Variants in SPATA13 observed in about 807,000 individuals in gnomAD.
The protein encoded by SPATA13 is spermatogenesis associated 13.
In SPATA13, 50 loss-of-function variants were observed where a neutral mutation model predicts 104.0. The ratio of observed to expected loss-of-function variants is 0.48; its 90% CI spans 0.38 to 0.61. SPATA13 has a LOEUF of 0.61. SPATA13 is among the 20% of genes least tolerant of loss of function. The pLI is 0.00. For missense variants in SPATA13, 1,524 were observed against 1,690.6 expected (o/e 0.90, Z 1.73); for synonymous variants, 606 against 667.5 (o/e 0.91, Z 1.42).
chr13:24,234,621 A>AT, intron 2 of SPATA13, among the ~76,000 whole-genome samples: 1 of 152,304 alleles, frequency 6.6e-6, no homozygotes, highest in South Asian at 2.1e-4. Context: ...TATAAATAAC[A>AT]TTACCTGTTT....
rs560785927 is a variant in SPATA13, at chr13:24,296,608, C to T, written c.3211-755C>T. Reference sequence around the variant, plus strand: ...GCAAATAATGTCAGGTCCATAATCACGATACTGTGTCCCCTGCATGAATGC... The same window carrying T: ...GCAAATAATGTCAGGTCCATAATCATGATACTGTGTCCCCTGCATGAATGC... On this transcript the variant is annotated intron_variant, in intron 10 of 12. Coordinates refer to ENST00000382108, the MANE Select transcript of SPATA13 (RefSeq NM_001166271.3). 8.9e-4 allele frequency among the ~76,000 whole-genome samples: 135 copies of T among 152,294 alleles called. 3 individuals are homozygous for T. Among genetic ancestry groups the T allele is most frequent in the Admixed American group, 6.8e-3 (104 of 15,294 alleles).
intron 2 of SPATA13, among the ~76,000 whole-genome samples, chr13:24,230,162 T>C (rs1264910147): frequency 6.6e-6 from 1 of 152,168 alleles, no homozygotes; most frequent in Non-Finnish European, 1.5e-5. Context: ...ATAATCCAAG[T>C]TAAGATGGAA....
chr13:24,225,892 C>T (rs965788704), intron 2 of SPATA13, among the ~76,000 whole-genome samples: 2 of 152,152 alleles, frequency 1.3e-5, no homozygotes, highest in African/African-American at 2.4e-5. Flanking sequence ...TCCTTTCGCT[C>T]CCACCATTGG....
intron 7 of SPATA13, among the ~76,000 whole-genome samples, chr13:24,287,305 G>C (rs1246072807): frequency 6.6e-6 from 1 of 152,158 alleles, no homozygotes; most frequent in Non-Finnish European, 1.5e-5. Flanking sequence ...AGGGCTACAG[G>C]CATGCATCAC....
At chr13:24,171,212 C>T (rs904234080) in intron 1 of SPATA13, among the ~76,000 whole-genome samples, 3 of 152,134 alleles carry the variant, frequency 2.0e-5, no homozygotes, top group African/African-American at 7.2e-5. Flanking sequence ...AAATGGCTGT[C>T]GTGCCATCTG....
rs142741276 is a variant in SPATA13, at chr13:24,187,578, G to A, written c.-112+26646G>A. ...CATTCATTGTTACAATAGCATGTGC[G>A]TACATCTTGTCTGTTACTTTTTGAT... On this transcript the variant is annotated intron_variant, in intron 1 of 12. Transcript: ENST00000382108. Among the ~76,000 whole-genome samples the A allele has an allele frequency of 4.6e-5, 7 of 152,262 alleles. No homozygotes were observed. The East Asian group carries it at 9.6e-4, about 21-fold the overall frequency.
In SPATA13 at chr13:24,302,726, T is replaced by C; in HGVS notation, c.3787T>C (p.Ser1263Pro). Residue 1263 changes from serine (S) to proline (P), a missense_variant, in exon 13 of 13, where the codon TCG (serine) becomes CCG (proline). Ser to Pro is a moderately conservative substitution (Grantham distance 74). Coordinates refer to ENST00000382108, the MANE Select transcript of SPATA13 (RefSeq NM_001166271.3). The part of the protein sequence containing the change: ...FGLAEPKRKS[S>P]LFWHTFNRLT... ...CCTGGCGGAACCCAAGAGGAAGTCC[T>C]CGCTCTTCTGGCACACCTTCAACAG... 6.2e-7 allele frequency: 1 copy of C among 1,614,150 alleles called. No individual in the cohort carries two copies.
chr13:24,247,649 A>AT (rs1873222152), intron 2 of SPATA13, among the ~76,000 whole-genome samples: 1 of 151,384 alleles, frequency 6.6e-6, no homozygotes. Flanking sequence ...CACCTGGCTA[A>AT]TTTTTTTGTA....
chr13:24,213,790 T>C (rs1871149511), intron 1 of SPATA13, among the ~76,000 whole-genome samples: 1 of 152,236 alleles, frequency 6.6e-6, no homozygotes, highest in Non-Finnish European at 1.5e-5. Flanking sequence ...GGGAAGATGA[T>C]ACGAGAATCT....
intron 2 of SPATA13, among the ~76,000 whole-genome samples, chr13:24,002,556 G>A (rs1243255318): frequency 6.6e-6 from 1 of 152,114 alleles, no homozygotes; most frequent in Non-Finnish European, 1.5e-5. Context: ...CTGGTCAGGG[G>A]GGTGAGTGTG....
At chr13:24,296,597 G>A (rs1324522651) in intron 10 of SPATA13, among the ~76,000 whole-genome samples, 3 of 152,134 alleles carry the variant, frequency 2.0e-5, no homozygotes, top group Non-Finnish European at 2.9e-5. Context: ...ATAATGTCAG[G>A]TCCATAATCA....
chr13:24,106,222 CAG>C (rs1880447724), intron 3 of SPATA13, among the ~76,000 whole-genome samples: 1 of 152,130 alleles, frequency 6.6e-6, no homozygotes, highest in Non-Finnish European at 1.5e-5. Flanking sequence ...TTTGTACAGA[CAG>C]GGCTTCTCTG....
At chr13:24,148,923 T>C (rs1882017114) in intron 3 of SPATA13, among the ~76,000 whole-genome samples, 1 of 151,526 alleles carries the variant, frequency 6.6e-6, no homozygotes, top group Non-Finnish European at 1.5e-5. Flanking sequence ...AGTGTTTGTT[T>C]ATACCAGGAA....
intron 4 of SPATA13, among the ~76,000 whole-genome samples, chr13:24,273,457 T>C (rs531471013): frequency 7.2e-5 from 11 of 152,336 alleles, no homozygotes; most frequent in African/African-American, 2.6e-4. Context: ...GTTTAAAAGA[T>C]TGAAAAATAC....
intron 1 of SPATA13, among the ~76,000 whole-genome samples, chr13:24,199,007 G>A (rs1488500137): frequency 1.5e-5 from 2 of 135,448 alleles, no homozygotes; most frequent in Non-Finnish European, 3.4e-5. Context: ...GGAGTGCAGT[G>A]GTTCATTCTT....
intron 2 of SPATA13, among the ~76,000 whole-genome samples, chr13:24,247,013 TGTTTGGGTGTG>T (rs1873178442): frequency 6.6e-6 from 1 of 152,216 alleles, no homozygotes; most frequent in South Asian, 2.1e-4. Flanking sequence ...TGACAGTGTC[TGTTTGGGTGTG>T]GATTCCCCTC....
intron 2 of SPATA13, among the ~76,000 whole-genome samples, chr13:24,244,559 T>C (rs990182915): frequency 6.6e-6 from 1 of 152,230 alleles, no homozygotes; most frequent in African/African-American, 2.4e-5. Flanking sequence ...AGCAAAGCAC[T>C]TTAAAATGTA....
intron 1 of SPATA13, among the ~76,000 whole-genome samples, chr13:24,201,488 T>C (rs1006004446): frequency 6.6e-6 from 1 of 152,098 alleles, no homozygotes; most frequent in Non-Finnish European, 1.5e-5. Context: ...GTCACCAGGC[T>C]GGAGTGCAGT....
intron 2 of SPATA13, among the ~76,000 whole-genome samples, chr13:24,230,351 C>T (rs1048351761): frequency 5.3e-5 from 8 of 152,114 alleles, no homozygotes; most frequent in Non-Finnish European, 1.2e-4. Context: ...AAGGGCTCCT[C>T]ATGAGAATGC....
Sources: allele counts gnomAD v4.1 joint callset (sites outside exome capture counted in the v4.1 genomes callset), GRCh38; gene constraint gnomAD v4.1.1; transcripts MANE v1.5; gene names NCBI Gene and HGNC (gene_info 2026-07-23, HGNC 2026-07-21).